Variants in HTR2C observed in about 807,000 individuals in gnomAD.
HTR2C encodes the protein 5-hydroxytryptamine (serotonin) receptor 2C, G protein-coupled.
A neutral mutation model predicts 21.0 loss-of-function variants in HTR2C; 5 were observed. The observed-to-expected ratio is 0.24, with a 90% CI of 0.12 to 0.50. The LOEUF is 0.50. HTR2C is among the 20% of genes least tolerant of loss of function. HTR2C has a pLI of 0.98. For missense variants in HTR2C, 271 were observed against 371.2 expected, an observed-to-expected ratio of 0.73 and a Z score of 2.22; for synonymous variants, 150 against 145.3, an observed-to-expected ratio of 1.03 and a Z score of -0.23.
intron 4 of HTR2C, among the ~76,000 whole-genome samples, chrX:114,738,591 A>T (rs1458618039): frequency 9.1e-6 from 1 of 110,266 alleles, no homozygotes; most frequent in African/African-American, 3.3e-5. Flanking sequence ...GAACAATGAG[A>T]ACACATGGAC....
At chrX:114,900,027 T>G (rs190782009) in intron 5 of HTR2C, among the ~76,000 whole-genome samples, 1 of 112,030 alleles carries the variant, frequency 8.9e-6, no homozygotes, top group African/African-American at 3.2e-5. Context: ...CTCCATGGTA[T>G]CTGATATGAC....
At chrX:114,898,225 A>C (rs1465811960) in intron 5 of HTR2C, among the ~76,000 whole-genome samples, 1 of 112,547 alleles carries the variant, frequency 8.9e-6, no homozygotes, top group African/African-American at 3.2e-5. Context: ...GTGTCTGTTC[A>C]TGTCCTTTGC....
chrX:114,647,237 G>A (rs868954348), intron 2 of HTR2C, among the ~76,000 whole-genome samples: 1 of 111,444 alleles, frequency 9.0e-6, no homozygotes, highest in Non-Finnish European at 1.9e-5. Flanking sequence ...GATTTTAAAT[G>A]TTCTCCCTAC....
intron 4 of HTR2C, among the ~76,000 whole-genome samples, chrX:114,789,524 A>C (rs1233972707): frequency 9.0e-6 from 1 of 111,559 alleles, no homozygotes; most frequent in Non-Finnish European, 1.9e-5. Context: ...TCTCAGAAAG[A>C]AAGAAAATAA....
chrX:114,831,225 G>A (rs1411788913), intron 4 of HTR2C, among the ~76,000 whole-genome samples: 5 of 92,553 alleles, frequency 5.4e-5, no homozygotes, highest in African/African-American at 1.9e-4. Context: ...TAATGGGATG[G>A]CTGGGTCAAA....
intron 4 of HTR2C, among the ~76,000 whole-genome samples, chrX:114,822,107 A>C (rs1248533124): frequency 9.0e-6 from 1 of 111,076 alleles, no homozygotes; most frequent in African/African-American, 3.3e-5. Flanking sequence ...TTGGCCTCCT[A>C]AAGTGCTGGG....
intron 4 of HTR2C, among the ~76,000 whole-genome samples, chrX:114,795,520 C>A (rs1556444993): frequency 9.0e-6 from 1 of 111,648 alleles, no homozygotes; most frequent in Admixed American, 9.5e-5. Context: ...AGTCTTTAAT[C>A]TATCTTGAAT....
At chrX:114,866,875 A>T (rs2071050181) in intron 5 of HTR2C, among the ~76,000 whole-genome samples, 1 of 112,006 alleles carries the variant, frequency 8.9e-6, no homozygotes, top group Admixed American at 9.6e-5. Flanking sequence ...TTATGTATAT[A>T]TACCACATTT....
chrX:114,807,121 C>CATGT (rs1458521424), intron 4 of HTR2C, among the ~76,000 whole-genome samples: 121 of 10,686 alleles, frequency 0.011, 14 homozygotes, highest in Admixed American at 0.037. Context: ...ATATATATAC[C>CATGT]ATATATACAC....
At chrX:114,771,314 C>T (rs1266483344) in intron 4 of HTR2C, among the ~76,000 whole-genome samples, 1 of 110,974 alleles carries the variant, frequency 9.0e-6, no homozygotes, top group Non-Finnish European at 1.9e-5. Context: ...CTGCTATTTT[C>T]TCTGGTAGCA....
intron 4 of HTR2C, among the ~76,000 whole-genome samples, chrX:114,798,862 C>T (rs1556446041): frequency 9.0e-6 from 1 of 110,865 alleles, no homozygotes; most frequent in Non-Finnish European, 1.9e-5. Flanking sequence ...ACTCCTAAAA[C>T]ATTAGGAAAC....
At chrX:114,729,112 A>G in intron 3 of HTR2C, among the ~76,000 whole-genome samples, 2 of 112,264 alleles carry the variant, frequency 1.8e-5, no homozygotes, top group Middle Eastern at 4.6e-3. Flanking sequence ...AGGACTCTGG[A>G]AAACGTGCTG....
At chrX:114,807,509 C>T (rs782634000) in intron 4 of HTR2C, among the ~76,000 whole-genome samples, 15 of 45,412 alleles carry the variant, frequency 3.3e-4, no homozygotes, top group African/African-American at 9.2e-4. Context: ...TATATATACA[C>T]CATATATATA....
At chrX:114,688,320 CAAAA>C (rs61292601) in intron 2 of HTR2C, among the ~76,000 whole-genome samples, 1 of 77,561 alleles carries the variant, frequency 1.3e-5, no homozygotes. Flanking sequence ...GACTCCATCT[CAAAA>C]AAAAAAAAAA....
chrX:114,601,691 C>T (rs1482165565), intron 1 of HTR2C, among the ~76,000 whole-genome samples: 31 of 108,861 alleles, frequency 2.8e-4, no homozygotes, highest in South Asian at 1.7e-3. Flanking sequence ...ACAGGGGATG[C>T]GATGGCTTGG....
At position 114,899,124 on chromosome X, in the gene HTR2C, C is replaced by G. The variant is rs144476990; in HGVS notation, c.551-7465C>G. 2.2e-4 allele frequency among the ~76,000 whole-genome samples: 24 copies of G among 111,527 alleles called. No individual in the cohort carries two copies. The East Asian group carries it at 6.5e-3, about 30-fold the overall frequency. ...CTTCACTTCCCTTATTAGCTATATTCCTAAGTATTTTATTCCTTTTGTGGC... is the reference window on the plus strand; with the variant it reads ...CTTCACTTCCCTTATTAGCTATATTGCTAAGTATTTTATTCCTTTTGTGGC... On this transcript the variant is annotated intron_variant, in intron 5 of 5. Coordinates refer to ENST00000276198, the MANE Select transcript of HTR2C (RefSeq NM_000868.4).
rs1445196511 is a variant in HTR2C at position 114,803,222 on chromosome X, T to A, written c.350-44781T>A. Among the ~76,000 whole-genome samples, 13 of 82,090 alleles carry A rather than the reference T, an allele frequency of 1.6e-4. No homozygotes were observed. The Admixed American group carries it at 1.9e-3, about 12-fold the overall frequency. The allele number at this position is 82,090 out of a possible 115,157, so 71.3% of individuals were successfully genotyped here. Reference sequence around the variant, plus strand: ...TGCGTGTGTCTTTATAGCAGCATGATTTATAGTCCTTTGGGTATATACCCA... The same window carrying A: ...TGCGTGTGTCTTTATAGCAGCATGAATTATAGTCCTTTGGGTATATACCCA... On this transcript the variant is annotated intron_variant, in intron 4 of 5. Transcript: ENST00000276198.
At chrX:114,678,938 C>T (rs1255101280) in intron 2 of HTR2C, among the ~76,000 whole-genome samples, 1 of 111,581 alleles carries the variant, frequency 9.0e-6, no homozygotes, top group Non-Finnish European at 1.9e-5. Flanking sequence ...AGACATCCTC[C>T]TGGGCTTCCT....
intron 4 of HTR2C, among the ~76,000 whole-genome samples, chrX:114,795,539 G>T (rs1180706537): frequency 9.0e-6 from 1 of 111,517 alleles, no homozygotes; most frequent in African/African-American, 3.3e-5. Flanking sequence ...ATTAATTTTT[G>T]TATAAGGTGT....
Sources: allele counts gnomAD v4.1 joint callset (sites outside exome capture counted in the v4.1 genomes callset), GRCh38; gene constraint gnomAD v4.1.1; transcripts MANE v1.5; gene names NCBI Gene and HGNC (gene_info 2026-07-23, HGNC 2026-07-21).